Variants in PKDCC observed in about 807,000 individuals in gnomAD.
The protein encoded by PKDCC is protein kinase domain containing, cytoplasmic.
Under a neutral mutation model 44.7 loss-of-function variants are expected in PKDCC, and 35 were observed. The ratio of observed to expected loss-of-function variants is 0.78; its 90% CI spans 0.60 to 1.04. The LOEUF is 1.04. Among genes scored for constraint, PKDCC ranks in the 50% least tolerant of loss-of-function variants. The pLI is 0.00. For missense variants in PKDCC, 738 were observed against 672.7 expected (o/e 1.10, Z -1.07); for synonymous variants, 353 against 303.3 (o/e 1.16, Z -1.70).
Position 42,052,560 on chromosome 2 carries a change from C to T in PKDCC, c.640-679C>T, listed in dbSNP as rs1667986111. ...GGTCGGCAGTTTGAGACCAGCCTGG[C>T]CAACATGGTGAAACCCTGTTTCTAC... On this transcript the variant is annotated intron_variant, in intron 1 of 6. Coordinates refer to ENST00000294964, the MANE Select transcript of PKDCC (RefSeq NM_138370.3). The surrounding 1 kb of genome is among the most constrained non-coding windows in gnomAD (Gnocchi z 4.3). Among the ~76,000 whole-genome samples, 1 of 152,062 alleles carries T rather than the reference C, an allele frequency of 6.6e-6. No individual in the cohort carries two copies. Among genetic ancestry groups the T allele is most frequent in the Non-Finnish European group, 1.5e-5 (1 of 68,000 alleles).
Position 42,051,483 on chromosome 2 carries a change from T to G in PKDCC, c.640-1756T>G, listed in dbSNP as rs1002755675. 1.8e-4 allele frequency among the ~76,000 whole-genome samples: 27 copies of G among 151,672 alleles called. No individual in the cohort carries two copies. Among genetic ancestry groups the G allele is most frequent in the Non-Finnish European group, 3.4e-4 (23 of 67,900 alleles). ...CTGAAATGCTCAGCCTCACGCTTCCTGGGGGGGGTTAATGGTGTCTTTTTA... is the reference window on the plus strand; with the variant it reads ...CTGAAATGCTCAGCCTCACGCTTCCGGGGGGGGGTTAATGGTGTCTTTTTA... On this transcript the variant is annotated intron_variant, in intron 1 of 6. Coordinates refer to ENST00000294964, the MANE Select transcript of PKDCC (RefSeq NM_138370.3). This position sits in a 1 kb window ranked among gnomAD's most constrained non-coding sequence, Gnocchi z 4.2.
intron 5 of PKDCC, among the ~76,000 whole-genome samples, chr2:42,056,216 C>T (rs1449955565): frequency 6.6e-6 from 1 of 152,020 alleles, no homozygotes; most frequent in Admixed American, 6.5e-5. Flanking sequence ...GGCCAGAGGC[C>T]CAGGGCTTCT....
rs548741681 is a variant in PKDCC, at chr2:42,055,071, C to A, written c.1114+51C>A. On this transcript the variant is annotated intron_variant, in intron 4 of 6. Coordinates refer to ENST00000294964, the MANE Select transcript of PKDCC (RefSeq NM_138370.3). The surrounding 1 kb of genome is among the most constrained non-coding windows in gnomAD (Gnocchi z 4.5). ...TCCAGGCACCTACCCCACCCCCACC[C>A]GCCAGCAAAAGTGGGGAGAAAAATA... The A allele has an allele frequency of 1.3e-6, 2 of 1,548,900 alleles. No homozygotes were observed. Among genetic ancestry groups the A allele is most frequent in the Non-Finnish European group, 1.8e-6 (2 of 1,122,600 alleles).
chr2:42,053,136 C>T (rs943819790), intron 1 of PKDCC, 103 bp from the exon 2 acceptor site: 1 of 1,325,900 alleles, frequency 7.5e-7, no homozygotes, highest in Non-Finnish European at 1.0e-6. Context: ...AAGCAAAGGC[C>T]TGGGGATGGT....
At chr2:42,056,381 C>G (rs1297820698) in intron 5 of PKDCC, among the ~76,000 whole-genome samples, 1 of 152,160 alleles carries the variant, frequency 6.6e-6, no homozygotes, top group Non-Finnish European at 1.5e-5. Context: ...CAGCCCCCTC[C>G]CCACTCTAGC....
In PKDCC at chr2:42,048,878, G is replaced by C. The variant is rs1411429231; in HGVS notation, c.639+40G>C. The C allele has an allele frequency of 1.4e-6, 2 of 1,439,728 alleles. No individual in the cohort carries two copies. Among genetic ancestry groups the C allele is most frequent in the Non-Finnish European group, 1.8e-6 (2 of 1,091,982 alleles). 89.2% of individuals were successfully genotyped at this position (1,439,728 alleles called of 1,614,324 possible). On this transcript the variant is annotated intron_variant, in intron 1 of 6. Coordinates refer to ENST00000294964, the MANE Select transcript of PKDCC (RefSeq NM_138370.3). The surrounding 1 kb of genome is among the most constrained non-coding windows in gnomAD (Gnocchi z 6.2). Reference sequence around the variant, plus strand: ...ACGCGGGGGTAACGGTGTTGGCTGGGAGTGCCCAAGACCTTGTCAACCTGG... The same window carrying C: ...ACGCGGGGGTAACGGTGTTGGCTGGCAGTGCCCAAGACCTTGTCAACCTGG...
At chr2:42,056,399 T>A (rs1214121737) in intron 5 of PKDCC, among the ~76,000 whole-genome samples, 9 of 152,140 alleles carry the variant, frequency 5.9e-5, no homozygotes, top group Admixed American at 5.2e-4. Flanking sequence ...AGCCATGGAT[T>A]TTTTGCATTT....
At position 42,057,213 on chromosome 2, in the gene PKDCC, AC is replaced by A. The variant is rs778326745; in HGVS notation, c.1223-5del. 1 of 1,613,754 alleles carries A rather than the reference AC, an allele frequency of 6.2e-7. No individual in the cohort carries two copies. The highest frequency in any genetic ancestry group is 1.1e-5 in the South Asian group (1 of 91,060). On this transcript the variant is annotated splice_polypyrimidine_tract_variant and splice_region_variant and intron_variant, in intron 5 of 6. Coordinates refer to ENST00000294964, the MANE Select transcript of PKDCC (RefSeq NM_138370.3). ...GAATTCTCATTTTACTCCATCCCCA[AC>A]CCACAGAGTACCAGTGTATCCCAGA...
At position 42,048,882 on chromosome 2, in the gene PKDCC, G is replaced by A. The variant is rs565736085; in HGVS notation, c.639+44G>A. On this transcript the variant is annotated intron_variant, in intron 1 of 6. Coordinates refer to ENST00000294964, the MANE Select transcript of PKDCC (RefSeq NM_138370.3). The surrounding 1 kb of genome is among the most constrained non-coding windows in gnomAD (Gnocchi z 6.2). ...GGGGGTAACGGTGTTGGCTGGGAGTGCCCAAGACCTTGTCAACCTGGCTGG... is the reference window on the plus strand; with the variant it reads ...GGGGGTAACGGTGTTGGCTGGGAGTACCCAAGACCTTGTCAACCTGGCTGG... 12 of 1,412,942 alleles carry A rather than the reference G, an allele frequency of 8.5e-6. No homozygotes were observed. In the South Asian group the frequency reaches 1.6e-4, roughly 19 times the overall value. 87.5% of individuals were successfully genotyped at this position (1,412,942 alleles called of 1,614,324 possible).
In PKDCC at chr2:42,058,010, G is replaced by C. The variant is rs1028270351; in HGVS notation, c.*322G>C. ...CTGTGCCCCTCCCTGGGACGGTTCC[G>C]TGGGCAGCCCCATCACTGTGTTCAA... On this transcript the variant is annotated 3_prime_UTR_variant, in exon 7 of 7. Coordinates refer to ENST00000294964, the MANE Select transcript of PKDCC (RefSeq NM_138370.3). The surrounding 1 kb of genome is among the most constrained non-coding windows in gnomAD (Gnocchi z 4.2). The C allele has an allele frequency of 5.2e-6, 2 of 383,236 alleles. No homozygotes were observed. The highest frequency in any genetic ancestry group is 4.1e-5 in the African/African-American group (2 of 49,026). The allele number at this position is 383,236 out of a possible 1,614,324, so 23.7% of individuals were successfully genotyped here.
rs1485977489 is a variant in PKDCC, at chr2:42,048,210, G to T, written c.11G>T (p.Arg4Leu). The T allele has an allele frequency of 8.4e-7, 1 of 1,191,382 alleles. No individual in the cohort carries two copies. Among genetic ancestry groups the T allele is most frequent in the Non-Finnish European group, 1.0e-6 (1 of 954,774 alleles). The allele number at this position is 1,191,382 out of a possible 1,614,324, so 73.8% of individuals were successfully genotyped here. A position where few individuals can be genotyped will look rare whatever the true frequency, so the allele number is the denominator to read the frequency against. MRR[R>L]RAAVAAGFCA... is the part of the protein sequence containing the mutation. ...GGGGGGAGGGGAGCGATGCGGCGCCGGCGGGCGGCAGTGGCCGCGGGTTTC... is the reference window on the plus strand; with the variant it reads ...GGGGGGAGGGGAGCGATGCGGCGCCTGCGGGCGGCAGTGGCCGCGGGTTTC... Residue 4 changes from arginine to leucine, a missense_variant, in exon 1 of 7, where the codon CGG (arginine) becomes CTG (leucine). Coordinates refer to ENST00000294964, the MANE Select transcript of PKDCC (RefSeq NM_138370.3). The surrounding 1 kb of genome is among the most constrained non-coding windows in gnomAD (Gnocchi z 6.2).
Position 42,057,674 on chromosome 2 carries a change from A to G in PKDCC, c.1468A>G (p.Lys490Glu). The change falls in exon 7 of 7, where the codon AAG becomes GAG. Residue 490 changes from lysine to glutamate, a missense_variant. Coordinates refer to ENST00000294964, the MANE Select transcript of PKDCC (RefSeq NM_138370.3). ...VPDPNKTTYV[K>E]ASG ...TGATCCCAACAAGACCACATATGTGAAGGCCTCTGGCTGACCTATCTGAGG... is the reference window on the plus strand; with the variant it reads ...TGATCCCAACAAGACCACATATGTGGAGGCCTCTGGCTGACCTATCTGAGG... 1 of 1,613,854 alleles carries G rather than the reference A, an allele frequency of 6.2e-7. No homozygotes were observed. The highest frequency in any genetic ancestry group is 8.5e-7 in the Non-Finnish European group (1 of 1,179,950).
rs770895165 is a variant in PKDCC at position 42,055,378 on chromosome 2, G to A, written c.1207G>A (p.Ala403Thr). The A allele has an allele frequency of 2.5e-6, 4 of 1,613,484 alleles. No individual in the cohort carries two copies. The highest frequency in any genetic ancestry group is 1.7e-6 in the Non-Finnish European group (2 of 1,179,910). Residue 403 changes from alanine (A) to threonine (T), a missense_variant, in exon 5 of 7, where the codon GCA becomes ACA. Physicochemically the swap from Ala to Thr is moderately conservative, Grantham distance 58. Transcript: ENST00000294964. This position sits in a 1 kb window ranked among gnomAD's most constrained non-coding sequence, Gnocchi z 4.5. Reference sequence around the variant, plus strand: ...CGGGCAGTATCTGCAGAACTCCACGGCAAGCAGCAGTACCGGTGAGTGGCC... The same window carrying A: ...CGGGCAGTATCTGCAGAACTCCACGACAAGCAGCAGTACCGGTGAGTGGCC... ...RSGQYLQNST[A>T]SSSTEYQCIP...
At position 42,055,286 on chromosome 2, in the gene PKDCC, G is replaced by A; in HGVS notation, c.1115G>A (p.Gly372Glu). The part of the protein sequence containing the change: ...PLLDSIVNAT[G>E]ELAWGVDETL... ...GTCTTAGCCACACTGCACTCTGCAGGAGAGCTCGCCTGGGGGGTGGACGAG... is the reference window on the plus strand; with the variant it reads ...GTCTTAGCCACACTGCACTCTGCAGAAGAGCTCGCCTGGGGGGTGGACGAG... The change falls in exon 5 of 7, where the codon GGA becomes GAA. Residue 372 changes from glycine (G) to glutamate (E), a missense_variant and splice_region_variant. Gly to Glu is a moderately conservative substitution (Grantham distance 98). Transcript: ENST00000294964. This position sits in a 1 kb window ranked among gnomAD's most constrained non-coding sequence, Gnocchi z 4.5. 3.7e-6 allele frequency: 6 copies of A among 1,612,446 alleles called. No homozygotes were observed. The highest frequency in any genetic ancestry group is 5.1e-6 in the Non-Finnish European group (6 of 1,179,702).
intron 5 of PKDCC, 136 bp from the exon 6 acceptor site, chr2:42,057,085 G>C: frequency 1.1e-6 from 1 of 940,012 alleles, no homozygotes; most frequent in Admixed American, 2.2e-5. Flanking sequence ...CTTCATCTGC[G>C]TGCTAGAGGG....
Position 42,054,184 on chromosome 2 carries a change from C to T in PKDCC, c.911C>T (p.Thr304Met), listed in dbSNP as rs150069795. 1,048 of 1,609,968 alleles carry T rather than the reference C, an allele frequency of 6.5e-4. No homozygotes were observed. Among genetic ancestry groups the T allele is most frequent in the Non-Finnish European group, 8.2e-4 (966 of 1,178,162 alleles). ...TDLDDARVEE[T>M]PCAGSTDCIL... ...CTGGATGACGCACGTGTGGAGGAGA[C>T]GCCGTGTGCAGGCAGCACCGACTGC... The change falls in exon 3 of 7, where the codon ACG becomes ATG. Residue 304 changes from threonine (T) to methionine (M), a missense_variant. Physicochemically the swap from Thr to Met is moderately conservative, Grantham distance 81. Coordinates refer to ENST00000294964, the MANE Select transcript of PKDCC (RefSeq NM_138370.3). This position sits in a 1 kb window ranked among gnomAD's most constrained non-coding sequence, Gnocchi z 6.1.
At position 42,055,124 on chromosome 2, in the gene PKDCC, C is replaced by G. The variant is rs567484723; in HGVS notation, c.1114+104C>G. The G allele has an allele frequency of 7.3e-7, 1 of 1,379,244 alleles. No homozygotes were observed. The highest frequency in any genetic ancestry group is 2.3e-5 in the East Asian group (1 of 43,378). The allele number at this position is 1,379,244 out of a possible 1,614,324, so 85.4% of individuals were successfully genotyped here. ...CCAGGGCAGCAGGGGTTCTAGAAAC[C>G]ATCACTTCCTAAGGTGGCATTCTGC... On this transcript the variant is annotated intron_variant, in intron 4 of 6. Coordinates refer to ENST00000294964, the MANE Select transcript of PKDCC (RefSeq NM_138370.3). This position sits in a 1 kb window ranked among gnomAD's most constrained non-coding sequence, Gnocchi z 4.5.
Position 42,057,754 on chromosome 2 carries a change from G to A in PKDCC, c.*66G>A, listed in dbSNP as rs1009903924. 1.2e-5 allele frequency: 17 copies of A among 1,392,434 alleles called. No homozygotes were observed. The highest frequency in any genetic ancestry group is 1.6e-5 in the Non-Finnish European group (16 of 993,296). 86.3% of individuals were successfully genotyped at this position (1,392,434 alleles called of 1,614,324 possible). A position where few individuals can be genotyped will look rare whatever the true frequency, so the allele number is the denominator to read the frequency against. On this transcript the variant is annotated 3_prime_UTR_variant, in exon 7 of 7. Coordinates refer to ENST00000294964, the MANE Select transcript of PKDCC (RefSeq NM_138370.3). ...AGCTGGGCTTGCCTGTGGAGGGAGT[G>A]ACTTGCACTGGCAGCACTGCATGTC...
chr2:42,053,731 G>C (rs905922144), intron 2 of PKDCC, among the ~76,000 whole-genome samples: 1 of 152,142 alleles, frequency 6.6e-6, no homozygotes, highest in Non-Finnish European at 1.5e-5. Context: ...TCCATACACT[G>C]AACTAAAACA....
Sources: gnomAD v4.1 joint callset for allele counts (sites outside exome capture counted in the v4.1 genomes callset) on GRCh38, gnomAD v4.1.1 for gene constraint, Gnocchi (gnomAD v3.1) non-coding constraint, MANE v1.5 for transcripts, NCBI Gene and HGNC (gene_info 2026-07-23, HGNC 2026-07-21) for gene names.